AGBL4: variants seen among roughly 807,000 people sequenced by gnomAD.
AGBL4 encodes the protein cytosolic carboxypeptidase 6.
AGBL4 carries 58 observed loss-of-function variants against 66.4 expected under a neutral mutation model. The observed-to-expected ratio is 0.87, with a 90% CI of 0.71 to 1.09. The LOEUF (loss-of-function observed/expected upper bound fraction) is 1.09, where lower values mean the gene tolerates loss of function less well. Among genes scored for constraint, AGBL4 ranks in the 50% least tolerant of loss-of-function variants. The pLI, the probability that AGBL4 is intolerant of heterozygous loss-of-function variation, is 0.00. For synonymous variants in AGBL4, 234 were observed against 222.9 expected, an observed-to-expected ratio of 1.05 and a Z score of -0.44; for missense variants, 579 against 631.0, an observed-to-expected ratio of 0.92 and a Z score of 0.88.
At chr1:48,830,626 C>T (rs1396210509) in intron 6 of AGBL4, among the ~76,000 whole-genome samples, 2 of 152,162 alleles carry the variant, frequency 1.3e-5, no homozygotes, top group African/African-American at 4.8e-5. Context: ...AATCTGGAAT[C>T]AGTTAATTTG....
chr1:48,726,876 T>C (rs1319070393), intron 6 of AGBL4, among the ~76,000 whole-genome samples: 1 of 152,224 alleles, frequency 6.6e-6, no homozygotes, highest in Non-Finnish European at 1.5e-5. Flanking sequence ...TATCTCCTTT[T>C]TGTGAAATAG....
At chr1:49,232,629 G>A (rs1378667349) in intron 4 of AGBL4, among the ~76,000 whole-genome samples, 3 of 151,904 alleles carry the variant, frequency 2.0e-5, no homozygotes, top group East Asian at 1.9e-4. Context: ...AACCCAGGAG[G>A]CAGAGCTTAC....
chr1:48,811,415 T>C (rs1172950861), intron 6 of AGBL4, among the ~76,000 whole-genome samples: 1 of 152,230 alleles, frequency 6.6e-6, no homozygotes, highest in Non-Finnish European at 1.5e-5. Context: ...GCCTTCTGTA[T>C]GTTCCTGGAC....
At chr1:48,951,924 C>T (rs753425278) in intron 5 of AGBL4, among the ~76,000 whole-genome samples, 5 of 152,150 alleles carry the variant, frequency 3.3e-5, no homozygotes, top group Admixed American at 2.0e-4. Context: ...ATTATTTTCT[C>T]TATTTTAAAG....
intron 3 of AGBL4, among the ~76,000 whole-genome samples, chr1:49,411,189 T>G (rs1043585788): frequency 6.6e-6 from 1 of 152,094 alleles, no homozygotes; most frequent in Non-Finnish European, 1.5e-5. Context: ...AAATCACTGG[T>G]GTAAATCCAA....
intron 6 of AGBL4, among the ~76,000 whole-genome samples, chr1:48,798,921 C>A (rs898823978): frequency 2.6e-5 from 4 of 152,078 alleles, no homozygotes; most frequent in African/African-American, 9.7e-5. Context: ...GTAACTATAG[C>A]CTTGTAGTAT....
At chr1:49,061,109 GC>G (rs1644394220) in intron 4 of AGBL4, among the ~76,000 whole-genome samples, 1 of 152,166 alleles carries the variant, frequency 6.6e-6, no homozygotes, top group African/African-American at 2.4e-5. Flanking sequence ...GGCATAAGTA[GC>G]CAATGACTTT....
intron 3 of AGBL4, among the ~76,000 whole-genome samples, chr1:49,536,670 T>C (rs1372888558): frequency 6.6e-6 from 1 of 152,132 alleles, no homozygotes; most frequent in Non-Finnish European, 1.5e-5. Context: ...AAGGCTATAG[T>C]AACAAAATAG....
intron 9 of AGBL4, among the ~76,000 whole-genome samples, chr1:48,603,802 A>G (rs2148368230): frequency 6.6e-6 from 1 of 151,836 alleles, no homozygotes; most frequent in Admixed American, 6.5e-5. Flanking sequence ...TAAGGTCCTC[A>G]ATTAAAGCAA....
intron 1 of AGBL4, among the ~76,000 whole-genome samples, chr1:49,898,824 A>T (rs1230893854): frequency 6.6e-6 from 1 of 152,222 alleles, no homozygotes; most frequent in African/African-American, 2.4e-5. Flanking sequence ...ATCAACATGG[A>T]TGAAACTAGA....
intron 2 of AGBL4, among the ~76,000 whole-genome samples, chr1:49,802,949 GAATA>G (rs1271391888): frequency 4.6e-5 from 7 of 151,966 alleles, no homozygotes. Context: ...ATTTGTAACT[GAATA>G]GATACATAGC....
chr1:49,543,096 C>T (rs12735833), intron 3 of AGBL4, among the ~76,000 whole-genome samples: 64,101 of 151,744 alleles, frequency 0.42, 16,024 homozygotes, highest in Non-Finnish European at 0.57. Context: ...TGTAACATAA[C>T]CAATCACAGA....
chr1:49,017,880 G>A (rs558583479), intron 5 of AGBL4, among the ~76,000 whole-genome samples: 2 of 152,194 alleles, frequency 1.3e-5, no homozygotes, highest in East Asian at 3.9e-4. Context: ...GGTGTTTCAG[G>A]GCCCAGAAAA....
intron 8 of AGBL4, among the ~76,000 whole-genome samples, chr1:48,645,846 A>T (rs555130296): frequency 2.0e-5 from 3 of 152,272 alleles, no homozygotes; most frequent in Non-Finnish European, 4.4e-5. Context: ...CATCTGGAGC[A>T]CGTTCAGAGG....
intron 1 of AGBL4, among the ~76,000 whole-genome samples, chr1:49,944,894 G>T (rs1655074250): frequency 1.3e-5 from 2 of 151,836 alleles, no homozygotes; most frequent in African/African-American, 4.8e-5. Flanking sequence ...GGAAACCACG[G>T]ATGCACTTAC....
chr1:49,395,798 TAC>T (rs1462490357), intron 3 of AGBL4, among the ~76,000 whole-genome samples: 2 of 134,976 alleles, frequency 1.5e-5, no homozygotes, highest in South Asian at 2.2e-4. Context: ...TGTATATATA[TAC>T]ATATATATAT....
chr1:49,401,005 G>A (rs1645073470), intron 3 of AGBL4, among the ~76,000 whole-genome samples: 1 of 151,966 alleles, frequency 6.6e-6, no homozygotes, highest in Admixed American at 6.6e-5. Context: ...GTTTTTTGAG[G>A]GTTTTCTTCA....
chr1:49,900,016 T>C (rs1371283327), intron 1 of AGBL4, among the ~76,000 whole-genome samples: 1 of 151,858 alleles, frequency 6.6e-6, no homozygotes, highest in African/African-American at 2.4e-5. Context: ...CACTCCAGCC[T>C]GGGTGACAGA....
intron 5 of AGBL4, among the ~76,000 whole-genome samples, chr1:48,885,073 G>A (rs6674693): frequency 1.5e-4 from 23 of 152,172 alleles, no homozygotes; most frequent in Non-Finnish European, 3.1e-4. Flanking sequence ...GTGCTGGAAG[G>A]CCCCTGGAGA....
Sources: gnomAD v4.1 joint callset for allele counts (sites outside exome capture counted in the v4.1 genomes callset) on GRCh38, gnomAD v4.1.1 for gene constraint, MANE v1.5 for transcripts, NCBI Gene and HGNC (gene_info 2026-07-23, HGNC 2026-07-21) for gene names.